The following COL28A1 variants were observed in gnomAD, a reference collection of about 807,000 sequenced individuals.
The protein encoded by COL28A1 is collagen type XXVIII alpha 1 chain, also known as collagen alpha-1(XXVIII) chain.
Under a neutral mutation model 150.2 loss-of-function variants are expected in COL28A1, and 161 were observed. The observed-to-expected ratio is 1.07, with a 90% CI of 0.94 to 1.22. The LOEUF (loss-of-function observed/expected upper bound fraction) is 1.22. Among genes scored for constraint, COL28A1 ranks in the 50% most tolerant of loss-of-function variants. The pLI is 0.00. For missense variants in COL28A1, 1,617 were observed against 1,388.3 expected (o/e 1.16, Z -2.62); for synonymous variants, 552 against 469.7 (o/e 1.18, Z -2.26).
intron 9 of COL28A1, among the ~76,000 whole-genome samples, chr7:7,508,049 A>G (rs953461260): frequency 6.6e-6 from 1 of 152,034 alleles, no homozygotes; most frequent in Non-Finnish European, 1.5e-5. Flanking sequence ...TGGCTAACAC[A>G]GTGAAACCCT....
At chr7:7,540,404 T>C (rs1049851757), upstream of COL28A1, among the ~76,000 whole-genome samples, 2 of 152,256 alleles carry the variant, frequency 1.3e-5, no homozygotes, top group Admixed American at 1.3e-4. Context: ...TTTTCTTGTA[T>C]TGGGGACAAA....
rs7788168 is a variant in COL28A1 at position 7,479,956 on chromosome 7, C to T, written c.1165-2776G>A. On this transcript the variant is annotated intron_variant, in intron 13 of 34. Transcript: ENST00000399429. The stretch of plus-strand genomic sequence containing the variant: ...AGAAGAAGAAAATGAAGCTTTTCCT[C>T]TGATGAATCTAAACAAATAATTAGG... Among the ~76,000 whole-genome samples the T allele has an allele frequency of 2.2e-4, 33 of 152,182 alleles. 1 individual carries two copies. The highest frequency in any genetic ancestry group is 8.0e-4 in the African/African-American group (33 of 41,432).
intron 27 of COL28A1, among the ~76,000 whole-genome samples, chr7:7,397,508 T>C (rs548620096): frequency 6.6e-6 from 1 of 152,330 alleles, no homozygotes; most frequent in African/African-American, 2.4e-5. Flanking sequence ...ATACAAAAAG[T>C]AAGATAATAA....
upstream of COL28A1, among the ~76,000 whole-genome samples, chr7:7,537,122 C>G (rs1177222172): frequency 6.6e-6 from 1 of 152,136 alleles, no homozygotes; most frequent in Non-Finnish European, 1.5e-5. Flanking sequence ...TTGATAAAAA[C>G]AAGATAACTG....
At chr7:7,354,752 A>G (rs772761923), downstream of COL28A1, among the ~76,000 whole-genome samples, 2 of 152,194 alleles carry the variant, frequency 1.3e-5, no homozygotes, top group Non-Finnish European at 2.9e-5. Context: ...TAGCACCATT[A>G]ACTTGTTCCC....
At chr7:7,348,663 G>A in the COL28A1 span, among the ~76,000 whole-genome samples, 4 of 149,324 alleles carry the variant, frequency 2.7e-5, no homozygotes, top group South Asian at 4.2e-4. Context: ...TTTATTATTC[G>A]CTCTTCTTTT....
chr7:7,422,455 A>T (rs1450089316), intron 25 of COL28A1, among the ~76,000 whole-genome samples: 1 of 151,962 alleles, frequency 6.6e-6, no homozygotes, highest in African/African-American at 2.4e-5. Flanking sequence ...GTAATGAAAC[A>T]GTGTCTCTAC....
At chr7:7,409,794 G>A (rs1216697665) in intron 27 of COL28A1, among the ~76,000 whole-genome samples, 1 of 152,114 alleles carries the variant, frequency 6.6e-6, no homozygotes, top group Non-Finnish European at 1.5e-5. Context: ...GCAGTGTAGG[G>A]AGTGTGGTAT....
chr7:7,518,240 A>G (rs997250792), intron 6 of COL28A1, among the ~76,000 whole-genome samples: 4 of 152,200 alleles, frequency 2.6e-5, no homozygotes, highest in Non-Finnish European at 5.9e-5. Context: ...TTAAGAAAAT[A>G]TATTATGTGG....
the COL28A1 span, among the ~76,000 whole-genome samples, chr7:7,346,405 A>G: frequency 6.6e-6 from 1 of 152,094 alleles, no homozygotes; most frequent in African/African-American, 2.4e-5. Context: ...TATTTACTAA[A>G]GTACTCATTC....
At chr7:7,436,658 A>G (rs189914596) in intron 22 of COL28A1, among the ~76,000 whole-genome samples, 195 bp from the exon 23 acceptor site, 11 of 152,342 alleles carry the variant, frequency 7.2e-5, no homozygotes, top group African/African-American at 2.6e-4. Flanking sequence ...AAAGACTATT[A>G]CTGCTGTTGG....
At chr7:7,502,696 T>TCCTGCACTTTCAGATGAAGA (rs1583519296) in intron 11 of COL28A1, among the ~76,000 whole-genome samples, 1 of 88,350 alleles carries the variant, frequency 1.1e-5, no homozygotes, top group African/African-American at 6.9e-5. Flanking sequence ...CCTTCCTTTT[T>TCCTGCACTTTCAGATGAAGA]TTTTTTTTTT....
intron 10 of COL28A1, among the ~76,000 whole-genome samples, 167 bp downstream of exon 10, chr7:7,506,950 T>G (rs1300792619): frequency 6.6e-6 from 1 of 152,184 alleles, no homozygotes; most frequent in Admixed American, 6.5e-5. Flanking sequence ...TTTCCAAAAT[T>G]TATTGCACAT....
chr7:7,498,454 G>A (rs1043649134), intron 11 of COL28A1, among the ~76,000 whole-genome samples: 1 of 152,154 alleles, frequency 6.6e-6, no homozygotes, highest in African/African-American at 2.4e-5. Flanking sequence ...TACCCTTGGA[G>A]GCTGGGAGGA....
upstream of COL28A1, among the ~76,000 whole-genome samples, chr7:7,540,624 T>G (rs75838071): frequency 5.9e-5 from 9 of 152,330 alleles, no homozygotes; most frequent in African/African-American, 2.2e-4. Flanking sequence ...TTTAGGCCTT[T>G]GCGCTATCCA....
intron 22 of COL28A1, 145 bp downstream of exon 22, chr7:7,437,249 T>C: frequency 2.3e-6 from 3 of 1,331,882 alleles, no homozygotes; most frequent in Middle Eastern, 2.7e-4. Context: ...GGCTGTAGTT[T>C]GCTTATCTGT....
At chr7:7,383,900 A>C (rs1316256490) in intron 27 of COL28A1, among the ~76,000 whole-genome samples, 1 of 152,044 alleles carries the variant, frequency 6.6e-6, no homozygotes, top group Admixed American at 6.6e-5. Context: ...AAACTCTTAC[A>C]TCGAAACAAA....
At chr7:7,346,481 A>G in the COL28A1 span, among the ~76,000 whole-genome samples, 1 of 152,080 alleles carries the variant, frequency 6.6e-6, no homozygotes, top group African/African-American at 2.4e-5. Context: ...TAAAGGCAAT[A>G]CAATGTTGTT....
chr7:7,426,583 T>C (rs1562612479), intron 25 of COL28A1, among the ~76,000 whole-genome samples: 8 of 152,194 alleles, frequency 5.3e-5, no homozygotes, highest in Admixed American at 3.3e-4. Context: ...ATTATACAAA[T>C]GCTAGAAAAC....
Sources: allele counts gnomAD v4.1 joint callset (sites outside exome capture counted in the v4.1 genomes callset), GRCh38; gene constraint gnomAD v4.1.1; transcripts MANE v1.5; gene names NCBI Gene and HGNC (gene_info 2026-07-23, HGNC 2026-07-21).